PTP4A3: variants seen among roughly 807,000 people sequenced by gnomAD.
PTP4A3 encodes the protein protein tyrosine phosphatase type IVA 3.
PTP4A3 carries 9 observed loss-of-function variants against 15.2 expected under a neutral mutation model. That is an observed-to-expected ratio of 0.59 (90% CI 0.36 to 1.03). The LOEUF (loss-of-function observed/expected upper bound fraction) is 1.03, where lower values mean the gene tolerates loss of function less well. Among genes scored for constraint, PTP4A3 ranks in the 50% least tolerant of loss-of-function variants. PTP4A3 has a pLI of 0.02. For synonymous variants in PTP4A3, 95 were observed against 102.0 expected (o/e 0.93, Z 0.41); for missense variants, 234 against 252.1 (o/e 0.93, Z 0.49).
chr8:141,428,867 GAC>G (rs1294987058), intron 5 of PTP4A3, among the ~76,000 whole-genome samples: 1 of 152,210 alleles, frequency 6.6e-6, no homozygotes, highest in Non-Finnish European at 1.5e-5. Context: ...TGCACACATG[GAC>G]ACACATGGAT....
intron 1 of PTP4A3, among the ~76,000 whole-genome samples, chr8:141,419,351 C>A (rs762365385): frequency 6.6e-6 from 1 of 152,212 alleles, no homozygotes; most frequent in African/African-American, 2.4e-5. Context: ...TCCTTTCTTT[C>A]TGTAAACATG....
intron 5 of PTP4A3, among the ~76,000 whole-genome samples, chr8:141,430,390 G>A (rs1422860482): frequency 6.7e-6 from 1 of 148,790 alleles, no homozygotes; most frequent in Non-Finnish European, 1.5e-5. Flanking sequence ...CACAGCCCAC[G>A]TCCCCGCTGT....
At chr8:141,429,974 TCCCCGC>T (rs1833772478) in intron 5 of PTP4A3, among the ~76,000 whole-genome samples, 1 of 90,924 alleles carries the variant, frequency 1.1e-5, no homozygotes, top group African/African-American at 4.3e-5. Context: ...ACAGCCCACG[TCCCCGC>T]TGTAAGGACC....
intron 1 of PTP4A3, among the ~76,000 whole-genome samples, chr8:141,392,766 C>A (rs1002834512): frequency 1.3e-5 from 2 of 152,178 alleles, no homozygotes; most frequent in African/African-American, 4.8e-5. Flanking sequence ...ATGCTTAGCT[C>A]CAAGTGGGCA....
intron 1 of PTP4A3, among the ~76,000 whole-genome samples, chr8:141,401,625 G>T (rs1832591468): frequency 1.3e-5 from 2 of 152,152 alleles, no homozygotes. Flanking sequence ...TGGAGGCCTT[G>T]TTTACCCCTC....
At chr8:141,413,446 G>C (rs1373284932) in intron 1 of PTP4A3, among the ~76,000 whole-genome samples, 1 of 152,246 alleles carries the variant, frequency 6.6e-6, no homozygotes, top group Non-Finnish European at 1.5e-5. Context: ...GCCAGGGCAG[G>C]CTTCATGTGG....
intron 1 of PTP4A3, among the ~76,000 whole-genome samples, chr8:141,412,206 C>T (rs993044579): frequency 2.0e-5 from 3 of 152,218 alleles, no homozygotes; most frequent in Non-Finnish European, 2.9e-5. Flanking sequence ...ATGCCTGCTG[C>T]CCTGTCCAGG....
intron 1 of PTP4A3, among the ~76,000 whole-genome samples, chr8:141,416,950 G>C (rs568008106): frequency 9.8e-4 from 149 of 152,080 alleles, no homozygotes; most frequent in African/African-American, 3.4e-3. Context: ...CACACCTCCA[G>C]GGACCCTGTG....
At position 141,426,382 on chromosome 8, in the gene PTP4A3, T is replaced by C. The variant is rs561473894; in HGVS notation, c.199-557T>C. ...AGACCAAATTAACCCCCAGGAGCAA[T>C]GGGCCGGGGCCCGGTGGAACCGCCT... On this transcript the variant is annotated intron_variant, in intron 3 of 5. Transcript: ENST00000521578. 1.0e-4 allele frequency: 100 copies of C among 954,744 alleles called. No homozygotes were observed. In the African/African-American group the frequency reaches 1.6e-3, roughly 16 times the overall value. The allele number at this position is 954,744 out of a possible 1,614,324, so 59.1% of individuals were successfully genotyped here.
intron 1 of PTP4A3, among the ~76,000 whole-genome samples, chr8:141,400,974 G>A (rs1445471646): frequency 6.6e-6 from 1 of 152,094 alleles, no homozygotes; most frequent in East Asian, 1.9e-4. Context: ...CAGTACGGAG[G>A]GAGTCATGCA....
At chr8:141,394,335 C>T (rs1832383948) in intron 1 of PTP4A3, among the ~76,000 whole-genome samples, 1 of 152,126 alleles carries the variant, frequency 6.6e-6, no homozygotes, top group Admixed American at 6.5e-5. Flanking sequence ...CTTGGGCTTG[C>T]CTTGTTCCAT....
chr8:141,394,901 G>A (rs1328533591), intron 1 of PTP4A3, among the ~76,000 whole-genome samples: 1 of 152,228 alleles, frequency 6.6e-6, no homozygotes, highest in East Asian at 1.9e-4. Context: ...TGACTTCGGC[G>A]CCCCGCGAGT....
At chr8:141,426,263 G>T (rs1438618397) in intron 3 of PTP4A3, among the ~76,000 whole-genome samples, 1 of 152,178 alleles carries the variant, frequency 6.6e-6, no homozygotes, top group Non-Finnish European at 1.5e-5. Flanking sequence ...CTACTGCAGC[G>T]CCCTGGCCCG....
chr8:141,416,461 G>A (rs1425952554), intron 1 of PTP4A3, among the ~76,000 whole-genome samples: 1 of 152,164 alleles, frequency 6.6e-6, no homozygotes, highest in Non-Finnish European at 1.5e-5. Context: ...AAGTGGCTGA[G>A]GTTGGAGATT....
intron 2 of PTP4A3, among the ~76,000 whole-genome samples, chr8:141,422,834 GA>G (rs1413045410): frequency 6.6e-6 from 1 of 152,218 alleles, no homozygotes; most frequent in Non-Finnish European, 1.5e-5. Flanking sequence ...CCACAGGAGG[GA>G]GGGACCACTG....
intron 1 of PTP4A3, among the ~76,000 whole-genome samples, chr8:141,394,999 C>T (rs1420710456): frequency 1.3e-5 from 2 of 152,220 alleles, no homozygotes; most frequent in African/African-American, 2.4e-5. Flanking sequence ...GGGGGCCTCC[C>T]CAAGGTGGGA....
chr8:141,422,821 T>C (rs1833398363), intron 2 of PTP4A3, among the ~76,000 whole-genome samples: 1 of 152,190 alleles, frequency 6.6e-6, no homozygotes, highest in Non-Finnish European at 1.5e-5. Flanking sequence ...GGGTCAGCGC[T>C]GACCACAGGA....
chr8:141,426,348 C>T (rs1206155427), intron 3 of PTP4A3: 26 of 775,826 alleles, frequency 3.4e-5, no homozygotes, highest in African/African-American at 5.7e-5. Flanking sequence ...AAGCACAGGT[C>T]ATCTTCCAAG....
chr8:141,395,896 C>T (rs1251416895), intron 1 of PTP4A3, among the ~76,000 whole-genome samples: 1 of 152,212 alleles, frequency 6.6e-6, no homozygotes, highest in Admixed American at 6.5e-5. Flanking sequence ...AGGGCTTATG[C>T]TTCTAGAAGG....
Sources: allele counts gnomAD v4.1 joint callset (sites outside exome capture counted in the v4.1 genomes callset), GRCh38; gene constraint gnomAD v4.1.1; transcripts MANE v1.5; gene names NCBI Gene and HGNC (gene_info 2026-07-23, HGNC 2026-07-21).